ZFYVE9: variants seen among roughly 807,000 people sequenced by gnomAD.
ZFYVE9 encodes zinc finger FYVE-type containing 9.
Under a neutral mutation model 126.7 loss-of-function variants are expected in ZFYVE9, and 43 were observed. The observed-to-expected ratio is 0.34, with a 90% CI of 0.27 to 0.44. The LOEUF (loss-of-function observed/expected upper bound fraction) is 0.44, where lower values mean the gene tolerates loss of function less well. Among genes scored for constraint, ZFYVE9 ranks in the 20% least tolerant of loss-of-function variants. The pLI, the probability that ZFYVE9 is intolerant of heterozygous loss-of-function variation, is 1.00. For synonymous variants in ZFYVE9, 521 were observed against 597.4 expected (o/e 0.87, Z 1.87); for missense variants, 1,476 against 1,697.0 (o/e 0.87, Z 2.29).
intron 10 of ZFYVE9, among the ~76,000 whole-genome samples, chr1:52,289,838 C>T (rs1343735959): frequency 6.6e-6 from 1 of 151,994 alleles, no homozygotes; most frequent in African/African-American, 2.4e-5. Flanking sequence ...GAGTGGACTT[C>T]GTGAAGAATC....
At chr1:52,233,353 A>C (rs1645242624) in intron 3 of ZFYVE9, 77 bp downstream of exon 3, 3 of 1,045,880 alleles carry the variant, frequency 2.9e-6, no homozygotes, top group South Asian at 2.5e-5. Flanking sequence ...GTAGTATTTA[A>C]AAAAATAAAA....
intron 2 of ZFYVE9, among the ~76,000 whole-genome samples, chr1:52,223,369 A>G (rs908824382): frequency 2.6e-5 from 4 of 152,072 alleles, no homozygotes; most frequent in African/African-American, 9.7e-5. Flanking sequence ...TACAAGTTCT[A>G]TTCTCCTGGG....
chr1:52,158,693 G>A (rs147584887), intron 1 of ZFYVE9, among the ~76,000 whole-genome samples: 1 of 152,222 alleles, frequency 6.6e-6, no homozygotes, highest in African/African-American at 2.4e-5. Flanking sequence ...GGACCTGTTT[G>A]TGAGCTACCA....
At chr1:52,304,032 C>A in intron 13 of ZFYVE9, 107 bp downstream of exon 13, 1 of 657,102 alleles carries the variant, frequency 1.5e-6, no homozygotes. Context: ...ACAATGAAAT[C>A]AGTTAATAAT....
intron 13 of ZFYVE9, among the ~76,000 whole-genome samples, chr1:52,329,634 G>A (rs550417888): frequency 1.2e-4 from 19 of 152,324 alleles, no homozygotes; most frequent in African/African-American, 4.6e-4. Flanking sequence ...GGCCGGGCGC[G>A]GTGGCACATG....
At chr1:52,242,966 A>G (rs531680514) in intron 4 of ZFYVE9, among the ~76,000 whole-genome samples, 1 of 152,354 alleles carries the variant, frequency 6.6e-6, no homozygotes, top group South Asian at 2.1e-4. Flanking sequence ...CATCCATGTC[A>G]TAGCACTTAT....
intron 13 of ZFYVE9, among the ~76,000 whole-genome samples, chr1:52,325,858 CAGAG>C (rs1010601217): frequency 3.3e-5 from 5 of 152,200 alleles, no homozygotes; most frequent in African/African-American, 4.8e-5. Flanking sequence ...CATGAGATCT[CAGAG>C]AGGAAATTGG....
intron 1 of ZFYVE9, among the ~76,000 whole-genome samples, chr1:52,183,355 A>G (rs1462228902): frequency 6.6e-6 from 1 of 152,228 alleles, no homozygotes; most frequent in Admixed American, 6.5e-5. Context: ...GCAATCACCA[A>G]CATATAGAAT....
intron 12 of ZFYVE9, among the ~76,000 whole-genome samples, chr1:52,302,636 A>G (rs571229930): frequency 6.6e-6 from 1 of 152,166 alleles, no homozygotes; most frequent in East Asian, 1.9e-4. Flanking sequence ...CTGTAATCCC[A>G]GCTACTTGGG....
At chr1:52,290,805 A>G (rs1347132489) in intron 10 of ZFYVE9, among the ~76,000 whole-genome samples, 2 of 152,218 alleles carry the variant, frequency 1.3e-5, no homozygotes, top group Non-Finnish European at 2.9e-5. Context: ...GAATAATAAT[A>G]GTTATAATTT....
At chr1:52,148,043 G>T (rs1365104554) in intron 1 of ZFYVE9, among the ~76,000 whole-genome samples, 1 of 151,882 alleles carries the variant, frequency 6.6e-6, no homozygotes, top group Non-Finnish European at 1.5e-5. Context: ...GCCTCCCAAA[G>T]TGCTGGGATT....
intron 2 of ZFYVE9, among the ~76,000 whole-genome samples, chr1:52,232,657 G>T (rs1293644659): frequency 6.7e-6 from 1 of 149,178 alleles, no homozygotes; most frequent in East Asian, 2.0e-4. Flanking sequence ...GAACTCGGGA[G>T]GCAGAGGTTG....
rs773264140 is a variant in ZFYVE9, at chr1:52,238,686, A to G, written c.1269A>G (p.Leu423=). The stretch of plus-strand genomic sequence containing the variant: ...TAAACGAAGAAAAGGAAAAGTTTCT[A>G]CAGATTAGTCAGCCTGAGGACACTA... ...SQVNEEKEKF[L]QISQPEDTNG... is the part of the protein sequence containing the mutation. The change falls in exon 4 of 19, where the codon CTA becomes CTG. Residue 423 remains leucine, a synonymous_variant. Coordinates refer to ENST00000287727, the MANE Select transcript of ZFYVE9 (RefSeq NM_004799.4). 4 of 1,614,152 alleles carry G rather than the reference A, an allele frequency of 2.5e-6. No individual in the cohort carries two copies. The highest frequency in any genetic ancestry group is 4.5e-5 in the East Asian group (2 of 44,874).
chr1:52,208,867 A>C (rs1408788414), intron 1 of ZFYVE9, among the ~76,000 whole-genome samples: 2 of 152,188 alleles, frequency 1.3e-5, no homozygotes, highest in Non-Finnish European at 2.9e-5. Context: ...GGCATTAATA[A>C]ACTTTGAAAT....
At chr1:52,158,529 CCTGT>C (rs892552632) in intron 1 of ZFYVE9, among the ~76,000 whole-genome samples, 8 of 152,192 alleles carry the variant, frequency 5.3e-5, no homozygotes, top group African/African-American at 1.9e-4. Flanking sequence ...CTATCCGTAA[CCTGT>C]CTATCAGGCT....
intron 12 of ZFYVE9, among the ~76,000 whole-genome samples, chr1:52,297,614 C>T (rs1392435922): frequency 2.6e-5 from 4 of 152,122 alleles, no homozygotes; most frequent in Non-Finnish European, 5.9e-5. Flanking sequence ...GCCACTTATA[C>T]AGCTTTTCGG....
intron 1 of ZFYVE9, among the ~76,000 whole-genome samples, chr1:52,168,540 C>T (rs1260181932): frequency 6.9e-6 from 1 of 144,752 alleles, no homozygotes; most frequent in African/African-American, 2.6e-5. Flanking sequence ...TTAAAAGCAA[C>T]AGGGTCTTGC....
chr1:52,322,899 G>C (rs1646255106), intron 13 of ZFYVE9, among the ~76,000 whole-genome samples: 4 of 152,088 alleles, frequency 2.6e-5, no homozygotes, highest in Admixed American at 1.3e-4. Context: ...CTGCCTCCCA[G>C]GTTCACGCCA....
chr1:52,334,816 A>G, intron 15 of ZFYVE9, 48 bp downstream of exon 15: 1 of 1,567,482 alleles, frequency 6.4e-7, no homozygotes, highest in East Asian at 2.2e-5. Flanking sequence ...GAACTTATGT[A>G]CATAAAGGGA....
Sources: gnomAD v4.1 joint callset for allele counts (sites outside exome capture counted in the v4.1 genomes callset) on GRCh38, gnomAD v4.1.1 for gene constraint, MANE v1.5 for transcripts, NCBI Gene and HGNC (gene_info 2026-07-23, HGNC 2026-07-21) for gene names.